KCNN1: variants seen among roughly 807,000 people sequenced by gnomAD.
KCNN1 encodes the protein potassium calcium-activated channel subfamily N member 1.
A neutral mutation model predicts 44.7 loss-of-function variants in KCNN1; 20 were observed. The ratio of observed to expected loss-of-function variants is 0.45; its 90% confidence interval spans 0.32 to 0.65. The LOEUF (loss-of-function observed/expected upper bound fraction) is 0.65. Among genes scored for constraint, KCNN1 ranks in the 30% least tolerant of loss-of-function variants. The probability of loss-of-function intolerance (pLI) is 0.05; values close to 1 mark genes in which losing one functional copy is unlikely to be tolerated. For synonymous variants in KCNN1, 324 were observed against 341.7 expected (o/e 0.95, Z 0.57); for missense variants, 632 against 785.3 (o/e 0.80, Z 2.33).
At chr19:17,985,242 AG>A in intron 4 of KCNN1, 69 bp from the exon 5 acceptor site, 2 of 1,439,080 alleles carry the variant, frequency 1.4e-6, no homozygotes, top group South Asian at 1.5e-5. Context: ...GCGCTGCCCC[AG>A]GGGGTGTGAT....
intron 1 of KCNN1, among the ~76,000 whole-genome samples, chr19:17,971,092 C>T (rs777414954): frequency 1.3e-5 from 2 of 152,078 alleles, no homozygotes; most frequent in African/African-American, 2.4e-5. Flanking sequence ...CCATGTTGGC[C>T]AGGCTGGCCT....
intron 9 of KCNN1, among the ~76,000 whole-genome samples, chr19:17,996,811 T>C (rs532516399): frequency 5.6e-4 from 85 of 152,162 alleles, no homozygotes; most frequent in Non-Finnish European, 1.6e-4. Flanking sequence ...TGCCTTGCAC[T>C]GATGGAGGGA....
At chr19:17,962,313 G>C (rs970598032), upstream of KCNN1, among the ~76,000 whole-genome samples, 1 of 152,140 alleles carries the variant, frequency 6.6e-6, no homozygotes, top group African/African-American at 2.4e-5. Flanking sequence ...CTGCTCTAGG[G>C]CTGAGAACAC....
intron 1 of KCNN1, among the ~76,000 whole-genome samples, chr19:17,970,289 ATTTTTTTTTT>A (rs71164333): frequency 1.1e-4 from 6 of 56,862 alleles, no homozygotes; most frequent in Admixed American, 2.8e-4. Flanking sequence ...AGAAGGAATG[ATTTTTTTTTT>A]TTTTTTTTTT....
chr19:17,988,154 CAAAAAAAAAA>C (rs59928660), intron 5 of KCNN1, among the ~76,000 whole-genome samples: 5 of 53,524 alleles, frequency 9.3e-5, no homozygotes, highest in South Asian at 1.4e-3. Flanking sequence ...GACTCCATCT[CAAAAAAAAAA>C]AAAAAAAAAA....
At chr19:17,958,984 G>A (rs1216426659) in intron 2 of KCNN1, among the ~76,000 whole-genome samples, 1 of 148,378 alleles carries the variant, frequency 6.7e-6, no homozygotes, top group Non-Finnish European at 1.5e-5. Context: ...ACAGGCGTGA[G>A]CCACCACGTC....
At chr19:17,964,757 G>A (rs1284838123), upstream of KCNN1, among the ~76,000 whole-genome samples, 1 of 152,206 alleles carries the variant, frequency 6.6e-6, no homozygotes, top group Admixed American at 6.5e-5. The surrounding 1 kb of genome is among the most constrained non-coding windows in gnomAD (Gnocchi z 4.3). Context: ...AGGCAAGGCC[G>A]TTGATCACCA....
intron 4 of KCNN1, chr19:17,982,542 C>A: frequency 1.0e-6 from 1 of 985,302 alleles, no homozygotes; most frequent in Non-Finnish European, 1.2e-6. Context: ...TTCATTTTCC[C>A]CTCTGCCCGC....
rs1397119886 is a variant in KCNN1 at position 17,981,760 on chromosome 19, G to A, written c.550G>A (p.Glu184Lys). ...ADDWRIAMTC[E>K]RVFLISLELA... Reference sequence around the variant, plus strand: ...TGACTGGCGCATCGCCATGACCTGCGAGCGCGTGTTCCTCATCTCGCTAGA... The same window carrying A: ...TGACTGGCGCATCGCCATGACCTGCAAGCGCGTGTTCCTCATCTCGCTAGA... The change falls in exon 4 of 10, where the codon GAG becomes AAG. Residue 184 changes from glutamate to lysine, a missense_variant. Physicochemically the swap from Glu to Lys is moderately conservative, Grantham distance 56. Coordinates refer to ENST00000684775, the MANE Select transcript of KCNN1 (RefSeq NM_001386974.1). The A allele has an allele frequency of 1.2e-6, 2 of 1,609,038 alleles. No individual in the cohort carries two copies. The highest frequency in any genetic ancestry group is 1.1e-5 in the South Asian group (1 of 90,800).
At chr19:17,965,960 G>A (rs373983189), upstream of KCNN1, among the ~76,000 whole-genome samples, 2 of 152,054 alleles carry the variant, frequency 1.3e-5, no homozygotes, top group Middle Eastern at 3.4e-3. Context: ...GTGACTCACC[G>A]CCACCCTCAG....
Position 17,974,340 on chromosome 19 carries a change from C to T in KCNN1, c.402+50C>T, listed in dbSNP as rs2032133979. Reference sequence around the variant, plus strand: ...CTCCAGGGAGGTTCCACCAAGCCCGCCTAGCTTTCTTGACATGGGGTTGGG... The same window carrying T: ...CTCCAGGGAGGTTCCACCAAGCCCGTCTAGCTTTCTTGACATGGGGTTGGG... On this transcript the variant is annotated intron_variant, in intron 2 of 9. Transcript: ENST00000684775. This position sits in a 1 kb window ranked among gnomAD's most constrained non-coding sequence, Gnocchi z 7.3. 6.7e-7 allele frequency: 1 copy of T among 1,499,826 alleles called. No individual in the cohort carries two copies. Among genetic ancestry groups the T allele is most frequent in the Non-Finnish European group, 8.9e-7 (1 of 1,128,340 alleles). The allele number at this position is 1,499,826 out of a possible 1,614,324, so 92.9% of individuals were successfully genotyped here. A position where few individuals can be genotyped will look rare whatever the true frequency, so the allele number is the denominator to read the frequency against.
intron 2 of KCNN1, among the ~76,000 whole-genome samples, chr19:17,957,530 G>A (rs1244828763): frequency 6.6e-6 from 1 of 152,154 alleles, no homozygotes; most frequent in Non-Finnish European, 1.5e-5. Context: ...GAACTGGCCT[G>A]CTGACAGCTG....
chr19:17,980,956 CG>C (rs1249469998), intron 3 of KCNN1, among the ~76,000 whole-genome samples: 1 of 152,060 alleles, frequency 6.6e-6, no homozygotes, highest in Non-Finnish European at 1.5e-5. Flanking sequence ...GTGGCTCACA[CG>C]TGTAATCCCA....
chr19:17,985,366 T>A lies in KCNN1; in HGVS notation c.972T>A (p.Ile324=). 6.2e-6 allele frequency: 10 copies of A among 1,611,472 alleles called. No homozygotes were observed. Among genetic ancestry groups the A allele is most frequent in the Non-Finnish European group, 8.5e-6 (10 of 1,178,358 alleles). ...ACTTCCTGGGGGCCATGTGGCTGAT[T>A]TCCATCACCTTCCTCTCCATTGGCT... ...TSNFLGAMWL[I]SITFLSIGYG... Residue 324 remains isoleucine (I), a synonymous_variant, in exon 5 of 10, where the codon ATT becomes ATA. Transcript: ENST00000684775.
chr19:17,998,926 TCC>T lies in KCNN1; in HGVS notation c.*522_*523del. The T allele has an allele frequency of 6.5e-6, 1 of 152,728 alleles. No homozygotes were observed. The highest frequency in any genetic ancestry group is 2.4e-5 in the African/African-American group (1 of 41,566). The allele number at this position is 152,728 out of a possible 1,614,324, so 9.5% of individuals were successfully genotyped here. ...GTACCAGCCCCACCTGGCGCTGAGA[TCC>T]CTCAGACAGCATGGCCCAGCCCTGG... is the stretch of plus-strand genomic sequence containing the variant. On this transcript the variant is annotated 3_prime_UTR_variant, in exon 10 of 10. Coordinates refer to ENST00000684775, the MANE Select transcript of KCNN1 (RefSeq NM_001386974.1). The surrounding 1 kb of genome is among the most constrained non-coding windows in gnomAD (Gnocchi z 5.4).
intron 2 of KCNN1, among the ~76,000 whole-genome samples, chr19:17,959,543 A>G (rs2031629827): frequency 6.6e-6 from 1 of 151,970 alleles, no homozygotes; most frequent in Non-Finnish European, 1.5e-5. Flanking sequence ...GGTGTGAGCC[A>G]CCGCACCCGG....
Position 17,996,789 on chromosome 19 carries a change from C to T in KCNN1, c.1378-1363C>T, listed in dbSNP as rs563865638. On this transcript the variant is annotated intron_variant, in intron 9 of 9. Coordinates refer to ENST00000684775, the MANE Select transcript of KCNN1 (RefSeq NM_001386974.1). ...GAGGCCCCCACAAGGTGTTTGCACT[C>T]GGAGTGGGGTCTGCCTTGCACTGAT... Among the ~76,000 whole-genome samples, 7 of 152,192 alleles carry T rather than the reference C, an allele frequency of 4.6e-5. No homozygotes were observed. The East Asian group carries it at 9.7e-4, about 21-fold the overall frequency.
chr19:17,960,401 G>C (rs1031022174), intron 2 of KCNN1, among the ~76,000 whole-genome samples: 1 of 151,956 alleles, frequency 6.6e-6, no homozygotes, highest in Non-Finnish European at 1.5e-5. Flanking sequence ...AGGCCGAGGC[G>C]GGTGGATCAC....
intron 1 of KCNN1, among the ~76,000 whole-genome samples, chr19:17,968,039 C>T (rs887435570): frequency 1.5e-5 from 2 of 132,552 alleles, no homozygotes; most frequent in Non-Finnish European, 3.1e-5. Context: ...TCTGTCTGCC[C>T]TGCAGAGCTA....
Sources: allele counts gnomAD v4.1 joint callset (sites outside exome capture counted in the v4.1 genomes callset), GRCh38; gene constraint gnomAD v4.1.1; non-coding constraint Gnocchi (gnomAD v3.1); transcripts MANE v1.5; gene names NCBI Gene and HGNC (gene_info 2026-07-23, HGNC 2026-07-21).